The following MIB2 variants were observed in gnomAD, a reference collection of about 807,000 sequenced individuals.
MIB2 encodes the protein MIB E3 ubiquitin protein ligase 2, also known as E3 ubiquitin-protein ligase MIB2.
In MIB2, 78 loss-of-function variants were observed where a neutral mutation model predicts 96.6. The observed-to-expected ratio is 0.81, with a 90% CI of 0.67 to 0.97. MIB2 has a LOEUF of 0.97. Ranked by LOEUF, MIB2 falls within the 50% of genes least tolerant of loss-of-function variation. The pLI is 0.00. For synonymous variants in MIB2, 820 were observed against 629.5 expected (o/e 1.30, Z -4.53); for missense variants, 1,543 against 1,424.0 (o/e 1.08, Z -1.35).
At chr1:1,616,159 C>T in intron 1 of MIB2, 1 of 953,998 alleles carries the variant, frequency 1.0e-6, no homozygotes, top group Non-Finnish European at 1.2e-6. Flanking sequence ...CTCCGCGAGC[C>T]ACGGGCACGA....
At chr1:1,627,570 G>A (rs984360625) in intron 12 of MIB2, 103 bp from the exon 13 acceptor site, 24 of 1,481,618 alleles carry the variant, frequency 1.6e-5, no homozygotes, top group African/African-American at 1.1e-4. Flanking sequence ...GGGGCCCGGC[G>A]GGGCTGAGCC....
At chr1:1,615,928 G>T in intron 1 of MIB2, 5 of 993,274 alleles carry the variant, frequency 5.0e-6, no homozygotes, top group South Asian at 4.7e-5. Context: ...TCCGGGCCGG[G>T]TGGGCTGCGG....
intron 4 of MIB2, 116 bp from the exon 5 acceptor site, chr1:1,624,679 C>T (rs1184405750): frequency 1.0e-6 from 1 of 965,224 alleles, no homozygotes; most frequent in African/African-American, 1.6e-5. Flanking sequence ...GGCTGCGGAG[C>T]CCAGCAGGCT....
At position 1,625,658 on chromosome 1, in the gene MIB2, CGG is replaced by C; in HGVS notation, c.972+11_972+12del. Reference sequence around the variant, plus strand: ...CACCCCGGGGCGCTCACCAAGGTGCCGGGGGGGCTGGGCTGCGCCTCATCTGC... The same window carrying C: ...CACCCCGGGGCGCTCACCAAGGTGCCGGGGGCTGGGCTGCGCCTCATCTGC... On this transcript the variant is annotated splice_donor_region_variant and intron_variant, in intron 8 of 19. Coordinates refer to ENST00000355826, the MANE Select transcript of MIB2 (RefSeq NM_001170687.4). This position sits in a 1 kb window ranked among gnomAD's most constrained non-coding sequence, Gnocchi z 5.0. The C allele has an allele frequency of 6.4e-7, 1 of 1,551,606 alleles. No individual in the cohort carries two copies.
chr1:1,615,888 GCGGCGCTGGGGT>G lies in MIB2; in HGVS notation c.-130+270_-130+281del, dbSNP rs932341363. On this transcript the variant is annotated intron_variant, in intron 1 of 19. Coordinates refer to ENST00000355826, the MANE Select transcript of MIB2 (RefSeq NM_001170687.4). ...GCAGGCCTCGCGCGGCCCGGGGCCA[GCGGCGCTGGGGT>G]CGGCGCTGGGGTCGTCGTCCGGGCC... 9.6e-5 allele frequency: 102 copies of G among 1,058,364 alleles called. 1 individual carries two copies. Among genetic ancestry groups the G allele is most frequent in the African/African-American group, 7.7e-4 (45 of 58,810 alleles). 65.6% of individuals were successfully genotyped at this position (1,058,364 alleles called of 1,614,324 possible).
At chr1:1,618,014 A>C (rs369890357) in intron 2 of MIB2, 15 of 152,420 alleles carry the variant, frequency 9.8e-5, no homozygotes, top group African/African-American at 3.6e-4. Flanking sequence ...AGGAGTGGCC[A>C]CAGCCATGTA....
rs946980204 is a variant in MIB2, at chr1:1,629,668, A to G, written c.2593A>G (p.Arg865Gly). ...CGCGCGCAGGATGAAGAAGTGCATCAGGTGCCAGGTGGTCGTCAGCAAGAA... is the reference window on the plus strand; with the variant it reads ...CGCGCGCAGGATGAAGAAGTGCATCGGGTGCCAGGTGGTCGTCAGCAAGAA... ...ECARRMKKCI[R>G]CQVVVSKKLR... Residue 865 changes from arginine (R) to glycine (G), a missense_variant, in exon 19 of 20, where the codon AGG (arginine) becomes GGG (glycine). Transcript: ENST00000355826. 1.5e-5 allele frequency: 24 copies of G among 1,599,616 alleles called. No homozygotes were observed. The highest frequency in any genetic ancestry group is 2.2e-5 in the South Asian group (2 of 89,346).
intron 2 of MIB2, among the ~76,000 whole-genome samples, chr1:1,619,507 G>T (rs560641837): frequency 3.3e-5 from 5 of 152,376 alleles, no homozygotes; most frequent in Non-Finnish European, 7.3e-5. Context: ...CATGGCTGGA[G>T]ACCCCGCTCA....
chr1:1,627,992 A>G (rs1162466151), intron 13 of MIB2, 27 bp from the exon 14 acceptor site: 1 of 1,611,012 alleles, frequency 6.2e-7, no homozygotes, highest in East Asian at 2.2e-5. Flanking sequence ...AGTCACCCCC[A>G]GGTGACCACT....
At chr1:1,623,048 G>T in intron 2 of MIB2, 5 of 345,016 alleles carry the variant, frequency 1.4e-5, no homozygotes, top group South Asian at 1.2e-4. Context: ...AGTGTCTCGG[G>T]GGACGGCAGC....
At chr1:1,615,205 A>C, upstream of MIB2, 2 of 598,540 alleles carry the variant, frequency 3.3e-6, no homozygotes, top group Non-Finnish European at 5.3e-6. Context: ...AACCCCGGAT[A>C]GGGCCCGCAC....
chr1:1,628,990 TC>T, intron 16 of MIB2, 142 bp from the exon 17 acceptor site: 1 of 943,502 alleles, frequency 1.1e-6, no homozygotes, highest in Non-Finnish European at 1.5e-6. Context: ...CTCCTGCCTG[TC>T]CCACTTGGGT....
In MIB2 at chr1:1,626,796, C is replaced by T. The variant is rs750585131; in HGVS notation, c.1078-41C>T. 2 of 1,592,970 alleles carry T rather than the reference C, an allele frequency of 1.3e-6. No homozygotes were observed. The highest frequency in any genetic ancestry group is 1.7e-6 in the Non-Finnish European group (2 of 1,173,152). Reference sequence around the variant, plus strand: ...CCCCCGCCGCTAGCGCCGCTGCCCCCCACACCTGCAGCCTGCTGTGACCCC... The same window carrying T: ...CCCCCGCCGCTAGCGCCGCTGCCCCTCACACCTGCAGCCTGCTGTGACCCC... On this transcript the variant is annotated intron_variant, in intron 9 of 19. Coordinates refer to ENST00000355826, the MANE Select transcript of MIB2 (RefSeq NM_001170687.4). The surrounding 1 kb of genome is among the most constrained non-coding windows in gnomAD (Gnocchi z 5.3).
chr1:1,616,473 T>C (rs1428556280), intron 1 of MIB2, 35 bp from the exon 2 acceptor site: 16 of 1,455,296 alleles, frequency 1.1e-5, no homozygotes, highest in Non-Finnish European at 1.3e-5. Flanking sequence ...GTCGAGGTGC[T>C]AACTGTGCAT....
At chr1:1,615,980 AG>A in intron 1 of MIB2, 1 of 985,290 alleles carries the variant, frequency 1.0e-6, no homozygotes, top group Non-Finnish European at 1.2e-6. Flanking sequence ...GCCGCTGAGC[AG>A]TCGGGGCCGG....
rs1332451791 is a variant in MIB2, at chr1:1,629,285, C to A, written c.2355C>A (p.Ala785=). 3.3e-6 allele frequency: 5 copies of A among 1,527,856 alleles called. No individual in the cohort carries two copies. The highest frequency in any genetic ancestry group is 4.3e-6 in the Non-Finnish European group (5 of 1,151,692). The allele number at this position is 1,527,856 out of a possible 1,614,324, so 94.6% of individuals were successfully genotyped here. A position where few individuals can be genotyped will look rare whatever the true frequency, so the allele number is the denominator to read the frequency against. The change falls in exon 17 of 20, where the codon GCC becomes GCA. Residue 785 remains alanine (A), a synonymous_variant. Coordinates refer to ENST00000355826, the MANE Select transcript of MIB2 (RefSeq NM_001170687.4). Reference sequence around the variant, plus strand: ...CCGCCGAGGGTCGCGTGCTCAAGGCCCTTCAGGGCTGCGCCCAGCGCTTCC... The same window carrying A: ...CCGCCGAGGGTCGCGTGCTCAAGGCACTTCAGGGCTGCGCCCAGCGCTTCC... ...DLAAEGRVLK[A]LQGCAQRFRE... is the part of the protein sequence containing the mutation.
Position 1,623,525 on chromosome 1 carries a change from C to T in MIB2, c.73C>T (p.Gln25Ter). The change falls in exon 3 of 20, where the codon CAG becomes TAG. Residue 25 changes from glutamine to a stop codon, truncating the protein, a stop_gained. Coordinates refer to ENST00000355826, the MANE Select transcript of MIB2 (RefSeq NM_001170687.4). LOFTEE classifies it high-confidence loss of function. ...GCGCGGCGTGGACTGGAAGTGGGGC[C>T]AGCAGGACGGCGGCGAGGGCGGCGT... ...VVRGVDWKWG[Q>*]QDGGEGGVGT... The T allele has an allele frequency of 6.4e-7, 1 of 1,551,836 alleles. No homozygotes were observed. The highest frequency in any genetic ancestry group is 8.7e-7 in the Non-Finnish European group (1 of 1,151,956).
chr1:1,615,772 G>A (rs1409898716), intron 1 of MIB2, 139 bp downstream of exon 1: 36 of 1,401,630 alleles, frequency 2.6e-5, no homozygotes, highest in Non-Finnish European at 3.1e-5. Flanking sequence ...CGTAGGGTCC[G>A]CACGGGATGG....
chr1:1,629,076 G>A, intron 16 of MIB2, 57 bp from the exon 17 acceptor site: 5 of 1,375,304 alleles, frequency 3.6e-6, no homozygotes, highest in South Asian at 1.7e-5. Flanking sequence ...GCCAGGAGAC[G>A]CCTCCCTCGG....
Sources: allele counts gnomAD v4.1 joint callset (sites outside exome capture counted in the v4.1 genomes callset), GRCh38; gene constraint gnomAD v4.1.1; non-coding constraint Gnocchi (gnomAD v3.1); transcripts MANE v1.5; gene names NCBI Gene and HGNC (gene_info 2026-07-23, HGNC 2026-07-21).